The following CHD8 variants were observed in gnomAD, a reference collection of about 807,000 sequenced individuals.
CHD8 encodes the protein ATP-dependent chromatin remodeler CHD8.
Under a neutral mutation model 279.2 loss-of-function variants are expected in CHD8, and 31 were observed. That is an observed-to-expected ratio of 0.11 (90% confidence interval 0.08 to 0.15). CHD8 has a LOEUF of 0.15. Among genes scored for constraint, CHD8 ranks in the 10% least tolerant of loss-of-function variants. The pLI is 1.00. For synonymous variants in CHD8, 1,081 were observed against 1,139.6 expected, an observed-to-expected ratio of 0.95 and a Z score of 1.04; for missense variants, 2,146 against 3,230.5, an observed-to-expected ratio of 0.66 and a Z score of 8.14.
In CHD8 at chr14:21,430,854, C is replaced by T; in HGVS notation, c.790G>A (p.Ala264Thr). ...GCAGGCTTCAGTGGGGGCCCTGTGG[C>T]CCCAGGGTTTCCAGCAGGAGCTGAA... ...KGSAPAGNPG[A>T]TGPPLKPAVT... Residue 264 changes from alanine to threonine, a missense_variant, in exon 2 of 38, where the codon GCC becomes ACC. Ala to Thr is a moderately conservative substitution (Grantham distance 58, BLOSUM62 0). Coordinates refer to ENST00000646647, the MANE Select transcript of CHD8 (RefSeq NM_001170629.2). The T allele has an allele frequency of 5.0e-6, 8 of 1,599,392 alleles. No homozygotes were observed. Among genetic ancestry groups the T allele is most frequent in the Non-Finnish European group, 6.8e-6 (8 of 1,179,742 alleles).
Position 21,431,147 on chromosome 14 carries a change from G to C in CHD8, c.497C>G (p.Pro166Arg). ...ATGGGCACCAGTGACTGAGGAGCTT[G>C]GTGGGGCCTTAAGGATAACAATCTT... ...APKIVILKAP[P>R]SSSVTGAHVA... Residue 166 changes from proline to arginine, a missense_variant, in exon 2 of 38, where the codon CCA (proline) becomes CGA (arginine). Transcript: ENST00000646647. 1.3e-6 allele frequency: 2 copies of C among 1,599,048 alleles called. No individual in the cohort carries two copies. Among genetic ancestry groups the C allele is most frequent in the Non-Finnish European group, 1.7e-6 (2 of 1,179,604 alleles).
chr14:21,428,653 C>A (rs2139533461), intron 3 of CHD8, among the ~76,000 whole-genome samples: 1 of 152,214 alleles, frequency 6.6e-6, no homozygotes, highest in South Asian at 2.1e-4. Flanking sequence ...CAAGTCATTT[C>A]TGAACTATCA....
chr14:21,429,436 A>G (rs1324052248), intron 2 of CHD8, 101 bp from the exon 3 acceptor site: 1 of 1,179,602 alleles, frequency 8.5e-7, no homozygotes, highest in South Asian at 1.2e-5. Flanking sequence ...TAAAAACTAC[A>G]GGTCAGAAGA....
Position 21,431,365 on chromosome 14 carries a change from A to G in CHD8, c.279T>C (p.His93=). Residue 93 remains histidine, a synonymous_variant, in exon 2 of 38, where the codon CAT becomes CAC. Transcript: ENST00000646647. ...TAPAPESITL[H]DYTTQPASQE... The stretch of plus-strand genomic sequence containing the variant: ...GGCTGGCAGGCTGAGTGGTATAATC[A>G]TGCAAGGTTATGGATTCTGGAGCTG... 6.5e-7 allele frequency: 1 copy of G among 1,537,400 alleles called. No individual in the cohort carries two copies. The highest frequency in any genetic ancestry group is 8.7e-7 in the Non-Finnish European group (1 of 1,146,994).
At position 21,431,038 on chromosome 14, in the gene CHD8, A is replaced by G. The variant is rs760933674; in HGVS notation, c.606T>C (p.Phe202=). ...AGTANGGKVT[F]TKVLTGTPLR... is the part of the protein sequence containing the mutation. ...GGGGTGTGCCGGTTAGCACTTTGGT[A>G]AAAGTGACTTTTCCACCATTGGCTG... Residue 202 remains phenylalanine, a synonymous_variant, in exon 2 of 38, where the codon TTT becomes TTC. Coordinates refer to ENST00000646647, the MANE Select transcript of CHD8 (RefSeq NM_001170629.2). 1.9e-6 allele frequency: 3 copies of G among 1,599,420 alleles called. No homozygotes were observed. In the East Asian group the frequency reaches 6.7e-5, roughly 36 times the overall value.
Position 21,431,355 on chromosome 14 carries a change from T to C in CHD8, c.289A>G (p.Thr97Ala). Residue 97 changes from threonine to alanine, a missense_variant, in exon 2 of 38, where the codon ACT (threonine) becomes GCT (alanine). Thr to Ala is a moderately conservative substitution (Grantham distance 58). Coordinates refer to ENST00000646647, the MANE Select transcript of CHD8 (RefSeq NM_001170629.2). ...GGCTGCTCCTGGCTGGCAGGCTGAG[T>C]GGTATAATCATGCAAGGTTATGGAT... The part of the protein sequence containing the change: ...PESITLHDYT[T>A]QPASQEQPAQ... 1 of 1,537,640 alleles carries C rather than the reference T, an allele frequency of 6.5e-7. No homozygotes were observed. Among genetic ancestry groups the C allele is most frequent in the South Asian group, 1.2e-5 (1 of 84,126 alleles).
intron 5 of CHD8, chr14:21,416,208 T>A (rs1261779333): frequency 1.8e-5 from 5 of 274,532 alleles, no homozygotes; most frequent in Non-Finnish European, 2.7e-5. Context: ...GCAATATAAT[T>A]CACACTAGAA....
chr14:21,438,881 A>C (rs1889885863), intron 1 of CHD8, among the ~76,000 whole-genome samples: 1 of 151,150 alleles, frequency 6.6e-6, no homozygotes, highest in African/African-American at 2.4e-5. Context: ...TAATCTCAGC[A>C]TTTGGGAGGC....
At chr14:21,433,970 T>C (rs1889667036) in intron 1 of CHD8, among the ~76,000 whole-genome samples, 1 of 152,154 alleles carries the variant, frequency 6.6e-6, no homozygotes, top group South Asian at 2.1e-4. Context: ...TTATTTTTCA[T>C]TCTCTACTCA....
intron 10 of CHD8, among the ~76,000 whole-genome samples, chr14:21,411,095 A>G (rs1888473624): frequency 6.6e-6 from 1 of 152,228 alleles, no homozygotes; most frequent in Non-Finnish European, 1.5e-5. Context: ...CGTCATTTGC[A>G]AGACATTCCA....
chr14:21,409,170 G>C (rs1283650607), intron 11 of CHD8, among the ~76,000 whole-genome samples: 2 of 152,098 alleles, frequency 1.3e-5, no homozygotes, highest in Admixed American at 1.3e-4. Flanking sequence ...CACGGCTAGT[G>C]GCTACTGTAT....
intron 27 of CHD8, 144 bp from the exon 28 acceptor site, chr14:21,396,036 G>A (rs1166219594): frequency 1.7e-5 from 11 of 643,564 alleles, no homozygotes; most frequent in East Asian, 8.3e-5. Flanking sequence ...TCACTCTGTC[G>A]CCCAGGCTGG....
intron 26 of CHD8, chr14:21,398,255 T>C: frequency 6.2e-6 from 1 of 160,322 alleles, no homozygotes; most frequent in East Asian, 1.8e-4. Flanking sequence ...TTATTTATTT[T>C]TTGAGATGGA....
intron 21 of CHD8, 96 bp from the exon 22 acceptor site, chr14:21,401,167 G>A (rs911913140): frequency 2.0e-5 from 20 of 984,966 alleles, no homozygotes; most frequent in Admixed American, 3.1e-5. Flanking sequence ...TGGATGTAAC[G>A]TGTAGATACT....
chr14:21,446,934 G>A (rs1449546286), intron 1 of CHD8, among the ~76,000 whole-genome samples: 2 of 152,194 alleles, frequency 1.3e-5, no homozygotes, highest in Non-Finnish European at 2.9e-5. Flanking sequence ...CAAGGGTAAA[G>A]GCTTGTCTAT....
chr14:21,442,443 C>T (rs1890000552), intron 1 of CHD8, among the ~76,000 whole-genome samples: 1 of 151,640 alleles, frequency 6.6e-6, no homozygotes, highest in South Asian at 2.1e-4. Flanking sequence ...TTAGCCTGGG[C>T]AATAGAGTCT....
At chr14:21,399,799 T>C in intron 25 of CHD8, 94 bp from the exon 26 acceptor site, 1 of 990,184 alleles carries the variant, frequency 1.0e-6, no homozygotes, top group Non-Finnish European at 1.6e-6. Context: ...CCTGTATCCA[T>C]TAATTTAAAT....
chr14:21,453,064 T>TC (rs1890297594), intron 1 of CHD8, among the ~76,000 whole-genome samples: 1 of 151,412 alleles, frequency 6.6e-6, no homozygotes, highest in Non-Finnish European at 1.5e-5. Context: ...ATCCCAGCAC[T>TC]TCGGGAGGCC....
chr14:21,411,930 G>A lies in CHD8; in HGVS notation c.2226+983C>T, dbSNP rs147693093. Among the ~76,000 whole-genome samples, 417 of 152,048 alleles carry A rather than the reference G, an allele frequency of 2.7e-3. 5 individuals carry two copies. The highest frequency in any genetic ancestry group is 1.9e-3 in the Non-Finnish European group (131 of 67,984). ...AATTTAAAAACTAGCCGGGCATGAT[G>A]GCACACGCTTGCAGTCCCAGCTATT... On this transcript the variant is annotated intron_variant, in intron 10 of 37. Transcript: ENST00000646647.
Sources: allele counts gnomAD v4.1 joint callset (sites outside exome capture counted in the v4.1 genomes callset), GRCh38; gene constraint gnomAD v4.1.1; transcripts MANE v1.5; gene names NCBI Gene and HGNC (gene_info 2026-07-23, HGNC 2026-07-21).